The following UNC5A variants were observed in gnomAD, a reference collection of about 807,000 sequenced individuals.
The protein encoded by UNC5A is netrin receptor UNC5A.
UNC5A carries 20 observed loss-of-function variants against 87.4 expected under a neutral mutation model. The observed-to-expected ratio is 0.23, with a 90% confidence interval of 0.16 to 0.33. The LOEUF (loss-of-function observed/expected upper bound fraction) is 0.33. Among genes scored for constraint, UNC5A ranks in the 10% least tolerant of loss-of-function variants. UNC5A has a pLI of 1.00. For synonymous variants in UNC5A, 438 were observed against 482.3 expected (o/e 0.91, Z 1.20); for missense variants, 844 against 1,133.4 (o/e 0.74, Z 3.67).
At position 176,848,770 on chromosome 5, in the gene UNC5A, C is replaced by G. The variant is rs1353283028; in HGVS notation, c.71-13854C>G. On this transcript the variant is annotated intron_variant, in intron 1 of 14. Coordinates refer to ENST00000329542, the MANE Select transcript of UNC5A (RefSeq NM_133369.3). This position sits in a 1 kb window ranked among gnomAD's most constrained non-coding sequence, Gnocchi z 5.8. ...CCTCACCCAGGGGCAGGAGCTGAGG[C>G]TCAGACCACGGGCACACAAGATGGG... Among the ~76,000 whole-genome samples the G allele has an allele frequency of 6.6e-6, 1 of 152,196 alleles. No homozygotes were observed. Among genetic ancestry groups the G allele is most frequent in the Non-Finnish European group, 1.5e-5 (1 of 68,034 alleles).
At chr5:176,826,455 C>A (rs1203307452) in intron 1 of UNC5A, among the ~76,000 whole-genome samples, 1 of 152,164 alleles carries the variant, frequency 6.6e-6, no homozygotes, top group African/African-American at 2.4e-5. Flanking sequence ...TTAGTCCAAC[C>A]GATGAAGTTG....
Position 176,838,543 on chromosome 5 carries a change from A to G in UNC5A, c.71-24081A>G, listed in dbSNP as rs73340081. Among the ~76,000 whole-genome samples the G allele has an allele frequency of 5.9e-3, 898 of 152,374 alleles. 7 individuals carry two copies. The highest frequency in any genetic ancestry group is 0.02 in the African/African-American group (840 of 41,592). On this transcript the variant is annotated intron_variant, in intron 1 of 14. Transcript: ENST00000329542. The surrounding 1 kb of genome is among the most constrained non-coding windows in gnomAD (Gnocchi z 4.2). ...TTATTGACTTGCAACTGAAAATCCC[A>G]AAGGTACAGCTGACTTCAGGCAAAG...
chr5:176,812,614 G>T (rs1185052185), intron 1 of UNC5A, among the ~76,000 whole-genome samples: 3 of 152,172 alleles, frequency 2.0e-5, no homozygotes, highest in African/African-American at 7.2e-5. Context: ...GTTGCCACAG[G>T]GACTCCTCAG....
rs1176344970 is a variant in UNC5A at position 176,877,646 on chromosome 5, C to T, written c.1578C>T (p.Pro526=). 5 of 1,612,176 alleles carry T rather than the reference C, an allele frequency of 3.1e-6. No homozygotes were observed. The highest frequency in any genetic ancestry group is 2.5e-6 in the Non-Finnish European group (3 of 1,179,396). ...VILAMDHCGE[P]SPDSWSLRLK... is the part of the protein sequence containing the mutation. ...TGGCTATGGACCACTGTGGGGAGCC[C>T]AGCCCTGACAGCTGGAGCCTGCGCC... The change falls in exon 10 of 15, where the codon CCC becomes CCT. Residue 526 remains proline, a synonymous_variant. Coordinates refer to ENST00000329542, the MANE Select transcript of UNC5A (RefSeq NM_133369.3).
chr5:176,851,165 T>C (rs887691605), intron 1 of UNC5A, among the ~76,000 whole-genome samples: 14 of 152,256 alleles, frequency 9.2e-5, no homozygotes, highest in Non-Finnish European at 1.9e-4. Context: ...GCTCTCGACT[T>C]ACTGTGCCTC....
intron 1 of UNC5A, among the ~76,000 whole-genome samples, chr5:176,827,372 G>T (rs945728159): frequency 6.6e-6 from 1 of 151,770 alleles, no homozygotes; most frequent in African/African-American, 2.4e-5. Flanking sequence ...TAGTAGGGAC[G>T]GGGTTTCACC....
In UNC5A at chr5:176,878,402, C is replaced by T; in HGVS notation, c.2019+9C>T. ...TCCTTGTCAGCTACCAGGTGAGGGC[C>T]AGGGCCGTGGCCAGCGCACAAGAGG... On this transcript the variant is annotated intron_variant, in intron 12 of 14. Transcript: ENST00000329542. 1 of 1,613,370 alleles carries T rather than the reference C, an allele frequency of 6.2e-7. No homozygotes were observed. Among genetic ancestry groups the T allele is most frequent in the Non-Finnish European group, 8.5e-7 (1 of 1,179,880 alleles).
intron 2 of UNC5A, among the ~76,000 whole-genome samples, chr5:176,867,052 G>A (rs1274306679): frequency 1.3e-5 from 2 of 152,112 alleles, no homozygotes; most frequent in East Asian, 3.9e-4. Context: ...CAGCCTGCCG[G>A]CTCAGCTGGG....
chr5:176,829,519 G>GTGGATGGATGGGTGGT (rs1169266784), intron 1 of UNC5A, among the ~76,000 whole-genome samples: 13 of 141,634 alleles, frequency 9.2e-5, no homozygotes, highest in African/African-American at 3.4e-4. Flanking sequence ...GGGTGGATGG[G>GTGGATGGATGGGTGGT]TGGATGGATG....
chr5:176,868,304 C>T (rs538689245), intron 3 of UNC5A, 31 bp downstream of exon 3: 75 of 1,610,600 alleles, frequency 4.7e-5, no homozygotes, highest in African/African-American at 6.7e-5. Flanking sequence ...TGGGGGAGGG[C>T]GCACGGCGGG....
chr5:176,879,519 G>T (rs772842410), intron 14 of UNC5A, 31 bp downstream of exon 14: 2 of 1,583,148 alleles, frequency 1.3e-6, no homozygotes, highest in East Asian at 2.2e-5. Flanking sequence ...GAGGGCCTGC[G>T]CAGGCCACCG....
In UNC5A at chr5:176,829,328, TATGGATGGATGG is replaced by T. The variant is rs546614651; in HGVS notation, c.70+18539_70+18550del. 1.0e-3 allele frequency among the ~76,000 whole-genome samples: 98 copies of T among 93,410 alleles called. 1 individual carries two copies. The highest frequency in any genetic ancestry group is 4.5e-3 in the South Asian group (11 of 2,466). 61.3% of individuals were successfully genotyped at this position (93,410 alleles called of 152,430 possible). A position where few individuals can be genotyped will look rare whatever the true frequency, so the allele number is the denominator to read the frequency against. On this transcript the variant is annotated intron_variant, in intron 1 of 14. Coordinates refer to ENST00000329542, the MANE Select transcript of UNC5A (RefSeq NM_133369.3). ...TGGATGGATGAATGGATGTATGAAA[TATGGATGGATGG>T]ATGGATGGATGGATGGATGGATGGA...
At chr5:176,811,971 T>C (rs1338164625) in intron 1 of UNC5A, among the ~76,000 whole-genome samples, 1 of 152,088 alleles carries the variant, frequency 6.6e-6, no homozygotes, top group African/African-American at 2.4e-5. Flanking sequence ...GGCCGATGGC[T>C]GTTTCCTTAA....
intron 1 of UNC5A, among the ~76,000 whole-genome samples, chr5:176,826,408 G>A (rs1244728749): frequency 6.6e-6 from 1 of 152,220 alleles, no homozygotes; most frequent in Non-Finnish European, 1.5e-5. Context: ...GCAGGCCTCA[G>A]CAACCCCAGG....
intron 8 of UNC5A, among the ~76,000 whole-genome samples, chr5:176,876,048 G>A (rs945311093): frequency 3.9e-5 from 6 of 152,222 alleles, no homozygotes; most frequent in African/African-American, 9.7e-5. Flanking sequence ...CACTTCCCCC[G>A]CATCCTGTGC....
intron 1 of UNC5A, among the ~76,000 whole-genome samples, chr5:176,830,722 A>ATG (rs1342678544): frequency 1.4e-4 from 2 of 14,442 alleles, no homozygotes; most frequent in African/African-American, 2.3e-4. Context: ...GTGTGCTGGC[A>ATG]TGTATGTGTG....
At position 176,817,287 on chromosome 5, in the gene UNC5A, G is replaced by T. The variant is rs796091850; in HGVS notation, c.70+6467G>T. Among the ~76,000 whole-genome samples, 62 of 152,024 alleles carry T rather than the reference G, an allele frequency of 4.1e-4. 1 individual carries two copies. Among genetic ancestry groups the T allele is most frequent in the Middle Eastern group, 6.8e-3 (2 of 294 alleles). ...TATGTAGCTGAGATGGGGAGGGGGT[G>T]GGGGGAAGGCCGGGGGAATCTGTCT... On this transcript the variant is annotated intron_variant, in intron 1 of 14. Transcript: ENST00000329542.
chr5:176,842,319 C>T (rs1757296912), intron 1 of UNC5A, among the ~76,000 whole-genome samples: 1 of 152,226 alleles, frequency 6.6e-6, no homozygotes, highest in African/African-American at 2.4e-5. Flanking sequence ...GTGGAGATTC[C>T]TTAAAGAGCT....
chr5:176,812,072 A>C, intron 1 of UNC5A, among the ~76,000 whole-genome samples: 1 of 149,830 alleles, frequency 6.7e-6, no homozygotes. Flanking sequence ...ACTCCATCCC[A>C]CCCCTTCTAT....
Sources: allele counts gnomAD v4.1 joint callset (sites outside exome capture counted in the v4.1 genomes callset), GRCh38; gene constraint gnomAD v4.1.1; non-coding constraint Gnocchi (gnomAD v3.1); transcripts MANE v1.5; gene names NCBI Gene and HGNC (gene_info 2026-07-23, HGNC 2026-07-21).